The following ABCB7 variants were observed in gnomAD, a reference collection of about 807,000 sequenced individuals.
ABCB7 encodes the protein ATP binding cassette subfamily B member 7, also known as iron-sulfur clusters transporter ABCB7, mitochondrial.
A neutral mutation model predicts 54.4 loss-of-function variants in ABCB7; 7 were observed. The observed-to-expected ratio is 0.13, with a 90% CI of 0.07 to 0.24. ABCB7 has a LOEUF of 0.24. ABCB7 is among the 10% of genes least tolerant of loss of function. The pLI is 1.00. For missense variants in ABCB7, 356 were observed against 570.4 expected, an observed-to-expected ratio of 0.62 and a Z score of 3.83; for synonymous variants, 218 against 207.1, an observed-to-expected ratio of 1.05 and a Z score of -0.45.
intron 12 of ABCB7, among the ~76,000 whole-genome samples, chrX:75,068,185 G>C (rs981924173): frequency 9.0e-6 from 1 of 110,730 alleles, no homozygotes; most frequent in African/African-American, 3.3e-5. Flanking sequence ...CGATCATTTA[G>C]GGGACATTTT....
intron 1 of ABCB7, among the ~76,000 whole-genome samples, chrX:75,155,607 G>T (rs1168882502): frequency 9.0e-6 from 1 of 111,380 alleles, no homozygotes; most frequent in Non-Finnish European, 1.9e-5. Flanking sequence ...TACGGTTTTG[G>T]CCTATCAAGA....
At chrX:75,055,323 A>T (rs1281382629) in intron 15 of ABCB7, among the ~76,000 whole-genome samples, 1 of 109,490 alleles carries the variant, frequency 9.1e-6, no homozygotes, top group Non-Finnish European at 1.9e-5. Context: ...ACATCATTAC[A>T]CTTCACCCCT....
In ABCB7 at chrX:75,053,134, A is replaced by G; in HGVS notation, c.*236T>C. On this transcript the variant is annotated 3_prime_UTR_variant, in exon 16 of 16. Transcript: ENST00000373394. ...AATGTGGTAATATCAAACAGGTAGC[A>G]AAAAGTATGCATTGAGCACAACCAG... 2.3e-6 allele frequency: 1 copy of G among 430,399 alleles called. No homozygotes were observed. The highest frequency in any genetic ancestry group is 4.1e-5 in the East Asian group (1 of 24,152). The allele number at this position is 430,399 out of a possible 1,213,427, so 35.5% of individuals were successfully genotyped here. A position where few individuals can be genotyped will look rare whatever the true frequency, so the allele number is the denominator to read the frequency against.
intron 4 of ABCB7, among the ~76,000 whole-genome samples, chrX:75,079,445 T>C (rs765495891): frequency 1.1e-4 from 12 of 111,908 alleles, no homozygotes; most frequent in Non-Finnish European, 2.1e-4. Flanking sequence ...ATATCCTGCC[T>C]TTAGCAGAAC....
Position 75,144,808 on chromosome X carries a change from A to G in ABCB7, c.168+11297T>C, listed in dbSNP as rs189345960. Among the ~76,000 whole-genome samples, 398 of 111,620 alleles carry G rather than the reference A, an allele frequency of 3.6e-3. 5 individuals are homozygous for G. Among genetic ancestry groups the G allele is most frequent in the African/African-American group, 0.012 (378 of 30,752 alleles). On this transcript the variant is annotated intron_variant, in intron 1 of 15. Coordinates refer to ENST00000373394, the MANE Select transcript of ABCB7 (RefSeq NM_001271696.3). ...AAGAGGAGAAACCACTGAAATGAAT[A>G]GGAAACACTAGGACTCAATTTCCAA...
intron 13 of ABCB7, among the ~76,000 whole-genome samples, chrX:75,063,592 GCCTA>G (rs1170739306): frequency 9.0e-6 from 1 of 110,545 alleles, no homozygotes; most frequent in East Asian, 2.8e-4. Context: ...CTATCTTCCC[GCCTA>G]CCTATCAGCC....
At chrX:75,138,240 AC>A (rs1214330770) in intron 1 of ABCB7, among the ~76,000 whole-genome samples, 4 of 110,420 alleles carry the variant, frequency 3.6e-5, no homozygotes, top group Non-Finnish European at 5.7e-5. Flanking sequence ...ACACACACAC[AC>A]ACACACACAC....
chrX:75,142,837 T>C (rs1214132738), intron 1 of ABCB7, among the ~76,000 whole-genome samples: 1 of 112,559 alleles, frequency 8.9e-6, no homozygotes, highest in African/African-American at 3.2e-5. Flanking sequence ...AGGCTGTTTC[T>C]TATTCACGGC....
chrX:75,057,836 G>A (rs1602327655), intron 15 of ABCB7, among the ~76,000 whole-genome samples: 2 of 110,437 alleles, frequency 1.8e-5, no homozygotes, highest in East Asian at 5.7e-4. Flanking sequence ...ATGAGTTAAG[G>A]AGTAGTGATG....
At chrX:75,153,247 T>G (rs1299263257) in intron 1 of ABCB7, among the ~76,000 whole-genome samples, 1 of 110,731 alleles carries the variant, frequency 9.0e-6, no homozygotes, top group Non-Finnish European at 1.9e-5. Context: ...CCGGCTAATT[T>G]TTTTTGTATT....
Position 75,069,491 on chromosome X carries a change from C to T in ABCB7, c.1366-37G>A, listed in dbSNP as rs140207514. ...GAGAAAAAAAAAGCCACTTTACGCA[C>T]TGCCTAGAGTACAGCTACGAAGACA... On this transcript the variant is annotated intron_variant, in intron 10 of 15. Coordinates refer to ENST00000373394, the MANE Select transcript of ABCB7 (RefSeq NM_001271696.3). 4.1e-4 allele frequency: 474 copies of T among 1,169,688 alleles called. 1 individual carries two copies. In the African/African-American group the frequency reaches 7.2e-3, roughly 18 times the overall value.
chrX:75,063,464 C>A (rs1287385634), intron 13 of ABCB7, among the ~76,000 whole-genome samples: 1 of 110,991 alleles, frequency 9.0e-6, no homozygotes, highest in Non-Finnish European at 1.9e-5. Context: ...CAATTATTAT[C>A]TTTGGCCTAT....
intron 3 of ABCB7, among the ~76,000 whole-genome samples, chrX:75,109,729 G>C (rs1602380636): frequency 8.9e-6 from 1 of 111,740 alleles, no homozygotes; most frequent in East Asian, 2.8e-4. Flanking sequence ...GCTATAGGCT[G>C]AAGGTTTTCT....
chrX:75,057,162 G>A (rs931176336), intron 15 of ABCB7, among the ~76,000 whole-genome samples: 4 of 111,367 alleles, frequency 3.6e-5, no homozygotes, highest in Admixed American at 2.9e-4. Context: ...TCTCTTTTCC[G>A]TATCTCTTCT....
intron 4 of ABCB7, among the ~76,000 whole-genome samples, chrX:75,098,443 G>A (rs1351275798): frequency 9.0e-6 from 1 of 111,591 alleles, no homozygotes; most frequent in Non-Finnish European, 1.9e-5. Flanking sequence ...GAAATGCAGA[G>A]GGCTCCTATA....
intron 12 of ABCB7, among the ~76,000 whole-genome samples, chrX:75,066,120 A>C (rs1440527606): frequency 8.9e-6 from 1 of 111,880 alleles, no homozygotes; most frequent in Admixed American, 9.5e-5. Flanking sequence ...CATTCATTTG[A>C]TATTTCAACT....
At chrX:75,109,424 C>T (rs2081737364) in intron 3 of ABCB7, among the ~76,000 whole-genome samples, 2 of 111,209 alleles carry the variant, frequency 1.8e-5, no homozygotes, top group African/African-American at 3.3e-5. Context: ...TTTTTCTATC[C>T]GTTGCTTGTT....
intron 1 of ABCB7, among the ~76,000 whole-genome samples, chrX:75,139,465 C>T (rs747181158): frequency 5.4e-4 from 61 of 111,966 alleles, no homozygotes; most frequent in Admixed American, 3.5e-3. Context: ...TAAATCCTTT[C>T]CACATCACTC....
At chrX:75,138,580 C>T (rs1452444163) in intron 1 of ABCB7, among the ~76,000 whole-genome samples, 1 of 112,098 alleles carries the variant, frequency 8.9e-6, no homozygotes, top group Non-Finnish European at 1.9e-5. Context: ...TACAGAATAG[C>T]TTTTTAACTG....
Sources: allele counts gnomAD v4.1 joint callset (sites outside exome capture counted in the v4.1 genomes callset), GRCh38; gene constraint gnomAD v4.1.1; transcripts MANE v1.5; gene names NCBI Gene and HGNC (gene_info 2026-07-23, HGNC 2026-07-21).